PCDH15: variants seen among roughly 807,000 people sequenced by gnomAD.
PCDH15 encodes the protein protocadherin related 15.
A neutral mutation model predicts 178.5 loss-of-function variants in PCDH15; 129 were observed. The observed-to-expected ratio is 0.72, with a 90% confidence interval of 0.63 to 0.84. The LOEUF is 0.84. PCDH15 is among the 40% of genes least tolerant of loss of function. The probability of loss-of-function intolerance (pLI) is 0.00; values close to 1 mark genes in which losing one functional copy is unlikely to be tolerated. For synonymous variants in PCDH15, 800 were observed against 732.0 expected, an observed-to-expected ratio of 1.09 and a Z score of -1.50; for missense variants, 2,230 against 2,099.9, an observed-to-expected ratio of 1.06 and a Z score of -1.21.
chr10:54,017,046 G>A (rs111536194), intron 20 of PCDH15, among the ~76,000 whole-genome samples: 33,158 of 151,972 alleles, frequency 0.22, 3,833 homozygotes, highest in Non-Finnish European at 0.26. Flanking sequence ...TTTTTGAGAC[G>A]GAGTTTCACT....
chr10:53,992,089 C>T (rs1000831322), intron 21 of PCDH15, among the ~76,000 whole-genome samples: 3 of 151,768 alleles, frequency 2.0e-5, no homozygotes, highest in Non-Finnish European at 2.9e-5. Context: ...AGCTTCACTC[C>T]TGAGGCCAGC....
intron 2 of PCDH15, among the ~76,000 whole-genome samples, chr10:55,112,529 C>G (rs143333016): frequency 1.3e-5 from 2 of 152,012 alleles, no homozygotes; most frequent in Non-Finnish European, 2.9e-5. Context: ...GAGCAAGAAG[C>G]AAGATAAGAG....
intron 2 of PCDH15, among the ~76,000 whole-genome samples, chr10:54,605,529 A>G (rs1448342505): frequency 6.6e-6 from 1 of 152,124 alleles, no homozygotes; most frequent in Non-Finnish European, 1.5e-5. Context: ...GTTCCCTAAC[A>G]CATAACAAGT....
intron 8 of PCDH15, among the ~76,000 whole-genome samples, chr10:54,240,386 A>G (rs75613199): frequency 2.3e-3 from 357 of 152,178 alleles, no homozygotes; most frequent in African/African-American, 8.3e-3. Context: ...AAGGAAACAG[A>G]TAAAAGAAAT....
At chr10:53,965,080 CAG>C (rs199739243) in intron 21 of PCDH15, among the ~76,000 whole-genome samples, 1,513 of 147,072 alleles carry the variant, frequency 0.01, 31 homozygotes, top group African/African-American at 0.035. Context: ...TTTTTTGAGA[CAG>C]AGTCTTGTAC....
intron 2 of PCDH15, among the ~76,000 whole-genome samples, chr10:55,576,944 G>T (rs1044143842): frequency 6.6e-5 from 10 of 152,004 alleles, no homozygotes; most frequent in African/African-American, 2.4e-4. Context: ...ATTCAAAATT[G>T]TTTAAGAAGT....
chr10:55,520,115 GTATATATATA>G (rs1166100070), intron 2 of PCDH15, among the ~76,000 whole-genome samples: 6 of 118,670 alleles, frequency 5.1e-5, no homozygotes, highest in African/African-American at 1.9e-4. Context: ...CACGCAATGT[GTATATATATA>G]TACACGCAAT....
chr10:54,457,429 C>T lies in PCDH15; in HGVS notation c.157+70383G>A, dbSNP rs371377012. Among the ~76,000 whole-genome samples the T allele has an allele frequency of 6.8e-4, 104 of 152,266 alleles. 5 individuals are homozygous for T. In the South Asian group the frequency reaches 0.019, roughly 27 times the overall value. On this transcript the variant is annotated intron_variant, in intron 3 of 37. Coordinates refer to ENST00000644397, the MANE Select transcript of PCDH15 (RefSeq NM_001384140.1). ...TCTGGACGCTTTATTCTTCTGCTAA[C>T]GTCAGCCCTCCTAATCTTTCACATT...
intron 5 of PCDH15, among the ~76,000 whole-genome samples, chr10:54,347,979 G>A (rs1262960721): frequency 6.6e-6 from 1 of 151,830 alleles, no homozygotes; most frequent in Admixed American, 6.6e-5. Context: ...CTCCCAAGTA[G>A]CTGGGACCAC....
At chr10:55,306,736 T>C (rs72803844) in intron 1 of PCDH15, among the ~76,000 whole-genome samples, 4,759 of 152,322 alleles carry the variant, frequency 0.031, 129 homozygotes, top group Non-Finnish European at 0.054. Context: ...AGTGAAATCT[T>C]ACATTATTCA....
At chr10:54,953,641 T>A (rs10740603) in intron 2 of PCDH15, among the ~76,000 whole-genome samples, 50,894 of 150,954 alleles carry the variant, frequency 0.34, 9,207 homozygotes, top group East Asian at 0.68. Context: ...TCTAATAGTC[T>A]AAAATTATTC....
Position 53,995,677 on chromosome 10 carries a change from G to A in PCDH15, c.2840C>T (p.Thr947Ile). 6.2e-7 allele frequency: 1 copy of A among 1,613,938 alleles called. No homozygotes were observed. Among genetic ancestry groups the A allele is most frequent in the Non-Finnish European group, 8.5e-7 (1 of 1,179,842 alleles). ...PDAVKGTPIT[T>I]VYAEDADPPG... is the part of the protein sequence containing the mutation. Reference sequence around the variant, plus strand: ...AGGGTCTGCATCTTCAGCATAAACTGTTGTGATAGGTGTACCCTTGACTGC... The same window carrying A: ...AGGGTCTGCATCTTCAGCATAAACTATTGTGATAGGTGTACCCTTGACTGC... Residue 947 changes from threonine (T) to isoleucine (I), a missense_variant, in exon 21 of 38, where the codon ACA (threonine) becomes ATA (isoleucine). Transcript: ENST00000644397.
At chr10:54,121,096 T>G in intron 15 of PCDH15, among the ~76,000 whole-genome samples, 1 of 152,026 alleles carries the variant, frequency 6.6e-6, no homozygotes, top group African/African-American at 2.4e-5. Flanking sequence ...ACCCATATTC[T>G]TGGACCCCAG....
chr10:54,886,805 C>T (rs1954367786), intron 3 of PCDH15, among the ~76,000 whole-genome samples: 1 of 152,186 alleles, frequency 6.6e-6, no homozygotes, highest in Non-Finnish European at 1.5e-5. Flanking sequence ...CTTTCTCTGT[C>T]TTCAGTTTAC....
intron 2 of PCDH15, among the ~76,000 whole-genome samples, chr10:55,544,197 T>C (rs1841830090): frequency 1.4e-5 from 2 of 142,742 alleles, no homozygotes; most frequent in South Asian, 2.2e-4. Context: ...TATACATATA[T>C]GCATATATGT....
At chr10:55,520,942 T>C (rs966290869) in intron 2 of PCDH15, among the ~76,000 whole-genome samples, 1 of 151,964 alleles carries the variant, frequency 6.6e-6, no homozygotes, top group Non-Finnish European at 1.5e-5. Context: ...TTTGTCTCTG[T>C]GTGTGTTTGT....
At chr10:55,491,842 G>C (rs371636653) in intron 2 of PCDH15, among the ~76,000 whole-genome samples, 1 of 151,548 alleles carries the variant, frequency 6.6e-6, no homozygotes, top group Non-Finnish European at 1.5e-5. Context: ...GCTAAGAATA[G>C]GTCTCCTGCA....
At chr10:54,787,271 G>GAA (rs5785091) in intron 1 of PCDH15, among the ~76,000 whole-genome samples, 100 of 149,272 alleles carry the variant, frequency 6.7e-4, no homozygotes, top group South Asian at 1.1e-3. Flanking sequence ...AGATAAAAAG[G>GAA]AAAAAAAAAC....
chr10:54,560,390 A>G (rs955664271), intron 2 of PCDH15, among the ~76,000 whole-genome samples: 1 of 152,128 alleles, frequency 6.6e-6, no homozygotes, highest in Non-Finnish European at 1.5e-5. Flanking sequence ...ACTATTTAAA[A>G]TCATTGCATA....
Sources: allele counts gnomAD v4.1 joint callset (sites outside exome capture counted in the v4.1 genomes callset), GRCh38; gene constraint gnomAD v4.1.1; transcripts MANE v1.5; gene names NCBI Gene and HGNC (gene_info 2026-07-23, HGNC 2026-07-21).